The following SMAP1 variants were observed in gnomAD, a reference collection of about 807,000 sequenced individuals.
SMAP1 encodes stromal membrane-associated protein 1.
A neutral mutation model predicts 58.5 loss-of-function variants in SMAP1; 24 were observed. The observed-to-expected ratio is 0.41, with a 90% CI of 0.30 to 0.58. The LOEUF is 0.58. Ranked by LOEUF, SMAP1 falls within the 20% of genes least tolerant of loss-of-function variation. The probability of loss-of-function intolerance (pLI) is 0.29; values close to 1 mark genes in which losing one functional copy is unlikely to be tolerated. For synonymous variants in SMAP1, 216 were observed against 196.6 expected (o/e 1.10, Z -0.82); for missense variants, 563 against 566.3 (o/e 0.99, Z 0.06).
intron 4 of SMAP1, among the ~76,000 whole-genome samples, chr6:70,790,037 C>T (rs939033320): frequency 6.6e-6 from 1 of 152,154 alleles, no homozygotes; most frequent in Non-Finnish European, 1.5e-5. Context: ...TACTCAATGC[C>T]CGTATTATCC....
chr6:70,722,777 A>G (rs546638029), intron 1 of SMAP1, among the ~76,000 whole-genome samples: 5 of 152,258 alleles, frequency 3.3e-5, no homozygotes, highest in South Asian at 2.1e-4. Context: ...CAGATCGCTC[A>G]TGCTATTTTT....
intron 6 of SMAP1, among the ~76,000 whole-genome samples, chr6:70,813,583 C>T (rs1038713069): frequency 6.6e-6 from 1 of 151,898 alleles, no homozygotes; most frequent in Non-Finnish European, 1.5e-5. Flanking sequence ...TTTACCTTCT[C>T]TTCCCCTACT....
intron 6 of SMAP1, among the ~76,000 whole-genome samples, chr6:70,799,503 C>G (rs985276597): frequency 2.0e-5 from 3 of 152,222 alleles, no homozygotes; most frequent in Non-Finnish European, 4.4e-5. Flanking sequence ...GCTTTGAATG[C>G]ATTTCATCAT....
At position 70,667,963 on chromosome 6, in the gene SMAP1, C is replaced by G. The variant is rs1482619918; in HGVS notation, c.-61C>G. 2 of 1,450,972 alleles carry G rather than the reference C, an allele frequency of 1.4e-6. No homozygotes were observed. The highest frequency in any genetic ancestry group is 2.1e-5 in the Admixed American group (1 of 48,598). The allele number at this position is 1,450,972 out of a possible 1,614,324, so 89.9% of individuals were successfully genotyped here. A position where few individuals can be genotyped will look rare whatever the true frequency, so the allele number is the denominator to read the frequency against. ...CGGCGCCAGGTGCGTTCACTCTGCCCGGCTCCAGCCAGCGTCCGCCGCCGC... is the reference window on the plus strand; with the variant it reads ...CGGCGCCAGGTGCGTTCACTCTGCCGGGCTCCAGCCAGCGTCCGCCGCCGC... On this transcript the variant is annotated 5_prime_UTR_variant, in exon 1 of 11. Transcript: ENST00000370455.
chr6:70,856,748 T>C lies in SMAP1; in HGVS notation c.790-111T>C, dbSNP rs1771441000. The C allele has an allele frequency of 7.0e-6, 8 of 1,140,412 alleles. No homozygotes were observed. The South Asian group carries it at 1.3e-4, about 19-fold the overall frequency. The allele number at this position is 1,140,412 out of a possible 1,614,324, so 70.6% of individuals were successfully genotyped here. A position where few individuals can be genotyped will look rare whatever the true frequency, so the allele number is the denominator to read the frequency against. ...TCTTGAATGGCACCATTTTACCTTCTACAATTGTTTGATTCCTATCTAATT... is the reference window on the plus strand; with the variant it reads ...TCTTGAATGGCACCATTTTACCTTCCACAATTGTTTGATTCCTATCTAATT... On this transcript the variant is annotated intron_variant, in intron 8 of 10. Transcript: ENST00000370455.
intron 1 of SMAP1, among the ~76,000 whole-genome samples, chr6:70,712,642 G>A (rs1229218041): frequency 6.6e-6 from 1 of 151,894 alleles, no homozygotes; most frequent in African/African-American, 2.4e-5. Context: ...AGGAAATTCT[G>A]TTTCTTCTTG....
At chr6:70,735,124 A>G (rs1016454345) in intron 2 of SMAP1, among the ~76,000 whole-genome samples, 3 of 152,218 alleles carry the variant, frequency 2.0e-5, no homozygotes, top group Non-Finnish European at 4.4e-5. Context: ...ATAAACGTAT[A>G]AAACCAAAAA....
At chr6:70,791,101 TAATG>T (rs901001268) in intron 4 of SMAP1, among the ~76,000 whole-genome samples, 15 of 152,248 alleles carry the variant, frequency 9.9e-5, no homozygotes, top group African/African-American at 3.4e-4. Flanking sequence ...CTGCTGATCT[TAATG>T]AAGCATATAA....
At chr6:70,788,458 A>G (rs956777329) in intron 4 of SMAP1, among the ~76,000 whole-genome samples, 20 of 152,038 alleles carry the variant, frequency 1.3e-4, no homozygotes, top group African/African-American at 4.8e-4. Context: ...AATCATAATA[A>G]TAAAAAATAA....
chr6:70,694,404 TA>T (rs1197709083), intron 1 of SMAP1: 3 of 157,774 alleles, frequency 1.9e-5, no homozygotes, highest in African/African-American at 7.2e-5. Flanking sequence ...TCTGGAAGTT[TA>T]ATAAAGCTAA....
intron 1 of SMAP1, among the ~76,000 whole-genome samples, chr6:70,673,202 T>C (rs1389881661): frequency 6.6e-6 from 1 of 152,194 alleles, no homozygotes; most frequent in Non-Finnish European, 1.5e-5. Context: ...CTGAACTGCT[T>C]TCAAGGCCAC....
At chr6:70,829,902 G>A (rs1275162117) in intron 6 of SMAP1, among the ~76,000 whole-genome samples, 2 of 152,236 alleles carry the variant, frequency 1.3e-5, no homozygotes, top group South Asian at 2.1e-4. Flanking sequence ...GTTATTTAAA[G>A]GGCTAGGAAA....
chr6:70,690,464 G>C (rs576419890), intron 1 of SMAP1, among the ~76,000 whole-genome samples: 65 of 151,796 alleles, frequency 4.3e-4, no homozygotes, highest in African/African-American at 1.5e-3. Context: ...GCACCACCAC[G>C]GTCAGCTAAT....
At chr6:70,803,382 TTTCTC>T (rs2149959134) in intron 6 of SMAP1, among the ~76,000 whole-genome samples, 1 of 152,310 alleles carries the variant, frequency 6.6e-6, no homozygotes, top group South Asian at 2.1e-4. Context: ...ATTTGATTCT[TTTCTC>T]TTTTCTTCTT....
At chr6:70,710,512 A>G (rs925200291) in intron 1 of SMAP1, among the ~76,000 whole-genome samples, 1 of 151,496 alleles carries the variant, frequency 6.6e-6, no homozygotes, top group African/African-American at 2.4e-5. Flanking sequence ...AAAAAAAAAA[A>G]AAAAGGGTAA....
At chr6:70,687,015 A>G (rs1766963344) in intron 1 of SMAP1, among the ~76,000 whole-genome samples, 1 of 152,078 alleles carries the variant, frequency 6.6e-6, no homozygotes, top group African/African-American at 2.4e-5. Flanking sequence ...GTTTTTCTGT[A>G]AGTTCTAGGT....
intron 4 of SMAP1, among the ~76,000 whole-genome samples, chr6:70,788,018 C>G (rs1490023010): frequency 6.6e-6 from 1 of 152,040 alleles, no homozygotes; most frequent in Non-Finnish European, 1.5e-5. Flanking sequence ...TATTGTGGCA[C>G]TATTCACATT....
At chr6:70,721,308 C>G (rs547924439) in intron 1 of SMAP1, among the ~76,000 whole-genome samples, 2 of 152,286 alleles carry the variant, frequency 1.3e-5, no homozygotes, top group African/African-American at 4.8e-5. Context: ...CAAAGTTCCA[C>G]AAACCTCTAG....
At chr6:70,692,693 G>T (rs1282393592) in intron 1 of SMAP1, among the ~76,000 whole-genome samples, 1 of 152,142 alleles carries the variant, frequency 6.6e-6, no homozygotes, top group Non-Finnish European at 1.5e-5. Context: ...CCCAATGTAT[G>T]TTCTGGGCCC....
Sources: allele counts gnomAD v4.1 joint callset (sites outside exome capture counted in the v4.1 genomes callset), GRCh38; gene constraint gnomAD v4.1.1; transcripts MANE v1.5; gene names NCBI Gene and HGNC (gene_info 2026-07-23, HGNC 2026-07-21).